Variants in PLCB4 observed in about 807,000 individuals in gnomAD.
The protein encoded by PLCB4 is phospholipase C beta 4, also known as 1-phosphatidylinositol 4,5-bisphosphate phosphodiesterase beta-4.
A neutral mutation model predicts 178.8 loss-of-function variants in PLCB4; 77 were observed. That is an observed-to-expected ratio of 0.43 (90% CI 0.36 to 0.52). The LOEUF is 0.52. PLCB4 is among the 20% of genes least tolerant of loss of function. PLCB4 has a pLI of 0.00. For missense variants in PLCB4, 1,024 were observed against 1,453.4 expected (o/e 0.70, Z 4.80); for synonymous variants, 496 against 490.8 (o/e 1.01, Z -0.14).
intron 1 of PLCB4, among the ~76,000 whole-genome samples, chr20:9,069,574 G>A (rs2089460674): frequency 1.3e-5 from 2 of 151,964 alleles, no homozygotes; most frequent in Admixed American, 1.3e-4. Context: ...CCTCTTCTGG[G>A]GAAATCATAG....
intron 12 of PLCB4, among the ~76,000 whole-genome samples, chr20:9,378,866 C>T (rs2036904006): frequency 6.6e-6 from 1 of 152,090 alleles, no homozygotes; most frequent in Non-Finnish European, 1.5e-5. Context: ...TGGCCAAAAG[C>T]ATTCATTCTG....
At chr20:9,283,020 C>T (rs761686095) in intron 3 of PLCB4, among the ~76,000 whole-genome samples, 2 of 151,938 alleles carry the variant, frequency 1.3e-5, no homozygotes, top group African/African-American at 2.4e-5. Flanking sequence ...CCATGTGGAA[C>T]GAAAGTCTTC....
chr20:9,277,535 A>T (rs1471351315), intron 3 of PLCB4, among the ~76,000 whole-genome samples: 1 of 152,044 alleles, frequency 6.6e-6, no homozygotes, highest in African/African-American at 2.4e-5. Flanking sequence ...GATTTCCTGC[A>T]GTAGTCTAAT....
intron 18 of PLCB4, 52 bp downstream of exon 18, chr20:9,393,730 A>T: frequency 8.6e-7 from 1 of 1,157,172 alleles, no homozygotes; most frequent in Non-Finnish European, 1.3e-6. Context: ...ATGTGTGGAC[A>T]TTTCAGCTGT....
chr20:9,360,869 C>G (rs2148224185), intron 7 of PLCB4, among the ~76,000 whole-genome samples: 1 of 152,280 alleles, frequency 6.6e-6, no homozygotes, highest in East Asian at 1.9e-4. Context: ...TCTTATAACC[C>G]CTAAGTCTTC....
At chr20:9,453,628 A>G (rs549481286) in intron 33 of PLCB4, among the ~76,000 whole-genome samples, 166 bp downstream of exon 33, 1 of 152,254 alleles carries the variant, frequency 6.6e-6, no homozygotes, top group East Asian at 1.9e-4. Context: ...AAATGCTCTA[A>G]CATCATAACA....
chr20:9,422,408 C>T (rs1447963797), intron 27 of PLCB4, among the ~76,000 whole-genome samples: 1 of 152,186 alleles, frequency 6.6e-6, no homozygotes, highest in East Asian at 1.9e-4. Context: ...CTTCTCTGCC[C>T]CTGTCAGGAT....
intron 7 of PLCB4, among the ~76,000 whole-genome samples, chr20:9,354,781 G>T (rs991207201): frequency 3.9e-5 from 6 of 152,228 alleles, no homozygotes; most frequent in African/African-American, 1.2e-4. Flanking sequence ...TCTGTTGGAA[G>T]CTTGTTAGAA....
chr20:9,225,503 T>G (rs533239570), intron 3 of PLCB4, among the ~76,000 whole-genome samples: 46 of 152,330 alleles, frequency 3.0e-4, no homozygotes, highest in African/African-American at 1.1e-3. Flanking sequence ...GCCCTTAGAT[T>G]TTGTAGTTTC....
intron 2 of PLCB4, among the ~76,000 whole-genome samples, chr20:9,149,435 A>T (rs754986616): frequency 1.3e-5 from 2 of 152,176 alleles, no homozygotes; most frequent in Admixed American, 6.6e-5. Context: ...AAAGACCTAG[A>T]GTAGTTTCTG....
At chr20:9,160,698 C>T (rs1487529274) in intron 2 of PLCB4, among the ~76,000 whole-genome samples, 2 of 152,152 alleles carry the variant, frequency 1.3e-5, no homozygotes, top group African/African-American at 4.8e-5. Context: ...GTGGAGGTAA[C>T]TTCTGCTCCT....
At chr20:9,203,040 T>TAA (rs58109957) in intron 2 of PLCB4, among the ~76,000 whole-genome samples, 150 of 111,500 alleles carry the variant, frequency 1.3e-3, no homozygotes, top group African/African-American at 2.1e-3. Context: ...TTGTCTTTGG[T>TAA]AAAAAAAAAA....
At chr20:9,419,080 T>A (rs1421998907) in intron 25 of PLCB4, among the ~76,000 whole-genome samples, 1 of 152,170 alleles carries the variant, frequency 6.6e-6, no homozygotes, top group Non-Finnish European at 1.5e-5. Flanking sequence ...AGTTTTTTTT[T>A]ATTTATGGGA....
At chr20:9,385,774 G>A (rs945349817) in intron 14 of PLCB4, among the ~76,000 whole-genome samples, 2 of 151,554 alleles carry the variant, frequency 1.3e-5, no homozygotes, top group Non-Finnish European at 2.9e-5. Flanking sequence ...TCCCAGACGG[G>A]GCAGCCGGGC....
intron 33 of PLCB4, among the ~76,000 whole-genome samples, chr20:9,456,296 A>G (rs2043053950): frequency 6.6e-6 from 1 of 152,228 alleles, no homozygotes; most frequent in Non-Finnish European, 1.5e-5. Context: ...GACCTGGGAA[A>G]GGGAAGCTTT....
At chr20:9,133,166 C>T (rs780716182) in intron 2 of PLCB4, among the ~76,000 whole-genome samples, 9 of 152,170 alleles carry the variant, frequency 5.9e-5, no homozygotes, top group Non-Finnish European at 1.3e-4. Flanking sequence ...TTGATATCTT[C>T]TTACCTTTAG....
At chr20:9,287,682 G>C (rs1191921939) in intron 3 of PLCB4, among the ~76,000 whole-genome samples, 1 of 152,002 alleles carries the variant, frequency 6.6e-6, no homozygotes, top group Non-Finnish European at 1.5e-5. Flanking sequence ...AGGGATTTCT[G>C]TATGCTAAGA....
chr20:9,188,216 G>A (rs2147123661), intron 2 of PLCB4, among the ~76,000 whole-genome samples: 1 of 152,352 alleles, frequency 6.6e-6, no homozygotes, highest in Non-Finnish European at 1.5e-5. Context: ...GAGGAAGGAT[G>A]GAAAGCCAGG....
At chr20:9,462,572 ATGACC>A (rs1183121019) in intron 35 of PLCB4, among the ~76,000 whole-genome samples, 5 of 152,166 alleles carry the variant, frequency 3.3e-5, no homozygotes, top group Admixed American at 2.6e-4. Flanking sequence ...AAGACCTTAA[ATGACC>A]TGACGGAGCT....
Sources: allele counts gnomAD v4.1 joint callset (sites outside exome capture counted in the v4.1 genomes callset), GRCh38; gene constraint gnomAD v4.1.1; transcripts MANE v1.5; gene names NCBI Gene and HGNC (gene_info 2026-07-23, HGNC 2026-07-21).